Variants in FRYL observed in about 807,000 individuals in gnomAD.
FRYL encodes the protein FRY like transcription coactivator.
FRYL carries 150 observed loss-of-function variants against 351.2 expected under a neutral mutation model. That is an observed-to-expected ratio of 0.43 (90% CI 0.37 to 0.49). The LOEUF (loss-of-function observed/expected upper bound fraction) is 0.49. Ranked by LOEUF, FRYL falls within the 20% of genes least tolerant of loss-of-function variation. FRYL has a pLI of 0.00. For missense variants in FRYL, 3,036 were observed against 3,619.3 expected (o/e 0.84, Z 4.13); for synonymous variants, 1,153 against 1,257.1 (o/e 0.92, Z 1.75).
chr4:48,547,995 A>T (rs927689809), intron 40 of FRYL, among the ~76,000 whole-genome samples: 5 of 152,130 alleles, frequency 3.3e-5, no homozygotes, highest in African/African-American at 1.2e-4. Flanking sequence ...TCATGTCTAA[A>T]ATTTAGTGAT....
At chr4:48,605,688 G>A in intron 11 of FRYL, 53 bp downstream of exon 11, 1 of 1,141,924 alleles carries the variant, frequency 8.8e-7, no homozygotes, top group East Asian at 2.4e-5. Flanking sequence ...GTATAAGGTT[G>A]ATAAGGTTCT....
chr4:48,564,888 C>T, intron 30 of FRYL, 45 bp downstream of exon 30: 1 of 1,077,126 alleles, frequency 9.3e-7, no homozygotes, highest in Non-Finnish European at 1.4e-6. Context: ...GCAAATAATA[C>T]AATGACAACT....
chr4:48,657,938 C>T (rs920263187), intron 3 of FRYL, among the ~76,000 whole-genome samples: 1 of 152,210 alleles, frequency 6.6e-6, no homozygotes, highest in African/African-American at 2.4e-5. Context: ...TAATCACCTT[C>T]CACTTAACTC....
intron 56 of FRYL, among the ~76,000 whole-genome samples, chr4:48,514,122 A>C (rs980549942): frequency 1.3e-5 from 2 of 152,186 alleles, no homozygotes; most frequent in Admixed American, 6.5e-5. Flanking sequence ...TTAAAACTCT[A>C]TTATCACATG....
At chr4:48,593,680 CCA>C (rs1216802799) in intron 16 of FRYL, among the ~76,000 whole-genome samples, 1 of 151,992 alleles carries the variant, frequency 6.6e-6, no homozygotes, top group Admixed American at 6.6e-5. Flanking sequence ...TTATTTTCTA[CCA>C]CGCTTAAACA....
At chr4:48,593,775 T>A (rs1391264901) in intron 16 of FRYL, among the ~76,000 whole-genome samples, 155 bp downstream of exon 16, 3 of 152,122 alleles carry the variant, frequency 2.0e-5, no homozygotes, top group African/African-American at 4.8e-5. Context: ...ATTAAACCAT[T>A]CGGCCAGCTA....
At chr4:48,599,394 G>A (rs1456782005) in intron 13 of FRYL, among the ~76,000 whole-genome samples, 2 of 152,150 alleles carry the variant, frequency 1.3e-5, no homozygotes, top group African/African-American at 4.8e-5. Flanking sequence ...ACTGTCACAA[G>A]CTATTTATGG....
intron 13 of FRYL, among the ~76,000 whole-genome samples, chr4:48,597,304 A>ACT (rs1285085263): frequency 6.6e-6 from 1 of 152,130 alleles, no homozygotes; most frequent in Non-Finnish European, 1.5e-5. Context: ...CAGTGAAAAT[A>ACT]CTCTGCATGA....
chr4:48,643,139 C>A (rs1378816626), intron 3 of FRYL, among the ~76,000 whole-genome samples: 1 of 152,166 alleles, frequency 6.6e-6, no homozygotes, highest in Admixed American at 6.6e-5. Context: ...CTGTAAACAC[C>A]AGAATCCTGC....
intron 4 of FRYL, among the ~76,000 whole-genome samples, chr4:48,630,566 T>C (rs1411567439): frequency 2.0e-5 from 3 of 152,134 alleles, no homozygotes; most frequent in Non-Finnish European, 4.4e-5. Flanking sequence ...GATTGATCCA[T>C]CTCCTTTTAG....
chr4:48,623,138 A>C lies in FRYL; in HGVS notation c.162T>G (p.Leu54=). Residue 54 remains leucine, a synonymous_variant, in exon 5 of 64, where the codon CTT becomes CTG. Transcript: ENST00000358350. ...AAAATTGTCATACCTGATCAAACTG[A>C]AGATCTTCACCCCTCTGAAGAGATC... ...LSRSLQRGED[L]QFDQLISSMS... 1 of 1,582,172 alleles carries C rather than the reference A, an allele frequency of 6.3e-7. No homozygotes were observed. Among genetic ancestry groups the C allele is most frequent in the Non-Finnish European group, 8.6e-7 (1 of 1,164,544 alleles).
chr4:48,707,765 C>T (rs1767524171), intron 2 of FRYL, among the ~76,000 whole-genome samples: 1 of 152,028 alleles, frequency 6.6e-6, no homozygotes. Flanking sequence ...ACTTTAGCTA[C>T]CTGCCAAAGA....
At position 48,647,440 on chromosome 4, in the gene FRYL, T is replaced by C. The variant is rs955973022; in HGVS notation, c.-80-12950A>G. Among the ~76,000 whole-genome samples, 13 of 152,348 alleles carry C rather than the reference T, an allele frequency of 8.5e-5. 1 individual carries two copies. The East Asian group carries it at 1.3e-3, about 16-fold the overall frequency. On this transcript the variant is annotated intron_variant, in intron 3 of 63. Transcript: ENST00000358350. ...CCATTTGGATACTCTCAGTCACCTA[T>C]GAATATTTTGACCATCTATGTTGGA...
In FRYL at chr4:48,709,156, G is replaced by A. The variant is rs146807224; in HGVS notation, c.-204+1363C>T. Reference sequence around the variant, plus strand: ...AGGATGGTTTCGATCTCCTGACCTCGTGATCTGCCCGCCTCGGCTTCCCAA... The same window carrying A: ...AGGATGGTTTCGATCTCCTGACCTCATGATCTGCCCGCCTCGGCTTCCCAA... On this transcript the variant is annotated intron_variant, in intron 2 of 63. Coordinates refer to ENST00000358350, the MANE Select transcript of FRYL (RefSeq NM_015030.2). Among the ~76,000 whole-genome samples, 86 of 152,110 alleles carry A rather than the reference G, an allele frequency of 5.7e-4. 1 individual carries two copies. The highest frequency in any genetic ancestry group is 1.9e-3 in the African/African-American group (78 of 41,508).
At chr4:48,530,786 C>G (rs1057057059) in intron 50 of FRYL, among the ~76,000 whole-genome samples, 1 of 152,190 alleles carries the variant, frequency 6.6e-6, no homozygotes, top group African/African-American at 2.4e-5. Context: ...ACTTGTCTTT[C>G]AACACTCAGC....
At chr4:48,716,833 T>TCACA (rs1768889667) in intron 1 of FRYL, among the ~76,000 whole-genome samples, 1 of 151,406 alleles carries the variant, frequency 6.6e-6, no homozygotes, top group South Asian at 2.1e-4. Flanking sequence ...GTATGTTTAT[T>TCACA]GTGGCACTAT....
At chr4:48,679,652 T>A (rs1270860979) in intron 3 of FRYL, among the ~76,000 whole-genome samples, 2 of 147,176 alleles carry the variant, frequency 1.4e-5, no homozygotes, top group African/African-American at 5.0e-5. Context: ...AGTAATAATA[T>A]ACAGTTTCAA....
At chr4:48,601,314 A>G (rs1423995943) in intron 13 of FRYL, among the ~76,000 whole-genome samples, 1 of 152,234 alleles carries the variant, frequency 6.6e-6, no homozygotes, top group Non-Finnish European at 1.5e-5. Context: ...TCAAAAGAAT[A>G]TTCAAATCAA....
chr4:48,671,858 C>CAAACAAAAAAAAAAAAAA (rs1762752462), intron 3 of FRYL, among the ~76,000 whole-genome samples: 1 of 22,400 alleles, frequency 4.5e-5, no homozygotes, highest in African/African-American at 1.3e-4. Flanking sequence ...GTCTCAAAAA[C>CAAACAAAAAAAAAAAAAA]AAAAAAAAAA....
Sources: allele counts gnomAD v4.1 joint callset (sites outside exome capture counted in the v4.1 genomes callset), GRCh38; gene constraint gnomAD v4.1.1; transcripts MANE v1.5; gene names NCBI Gene and HGNC (gene_info 2026-07-23, HGNC 2026-07-21).